Variants in ATP10A observed in about 807,000 individuals in gnomAD.
The protein encoded by ATP10A is ATPase phospholipid transporting 10A (putative).
Under a neutral mutation model 147.8 loss-of-function variants are expected in ATP10A, and 111 were observed. That is an observed-to-expected ratio of 0.75 (90% CI 0.64 to 0.88). The LOEUF is 0.88. ATP10A is among the 40% of genes least tolerant of loss of function. The pLI, the probability that ATP10A is intolerant of heterozygous loss-of-function variation, is 0.00. For synonymous variants in ATP10A, 875 were observed against 841.6 expected (o/e 1.04, Z -0.69); for missense variants, 1,927 against 1,959.0 (o/e 0.98, Z 0.31).
In ATP10A at chr15:25,840,074, C is replaced by A. The variant is rs72689224; in HGVS notation, c.449+22574G>T. On this transcript the variant is annotated intron_variant, in intron 1 of 20. Coordinates refer to ENST00000555815, the MANE Select transcript of ATP10A (RefSeq NM_024490.4). ...CCCCTCCTGCATCCCTAACCCCTGG[C>A]AAACACTAACTTGTCCCTCATCCCC... Among the ~76,000 whole-genome samples the A allele has an allele frequency of 5.4e-3, 825 of 152,312 alleles. 12 individuals are homozygous for A. Among genetic ancestry groups the A allele is most frequent in the Admixed American group, 7.4e-3 (113 of 15,302 alleles).
chr15:25,740,361 G>A (rs1419226308), intron 2 of ATP10A, among the ~76,000 whole-genome samples: 1 of 152,250 alleles, frequency 6.6e-6, no homozygotes. Context: ...GCTGCCAGCA[G>A]GGACCCTGCC....
chr15:25,846,369 C>T (rs368080528), intron 1 of ATP10A, among the ~76,000 whole-genome samples: 3 of 152,164 alleles, frequency 2.0e-5, no homozygotes, highest in South Asian at 2.1e-4. Context: ...AGATAGAACA[C>T]GCTTAAGGTT....
At chr15:25,721,969 C>T in intron 6 of ATP10A, 60 bp from the exon 7 acceptor site, 2 of 1,526,216 alleles carry the variant, frequency 1.3e-6, no homozygotes, top group Non-Finnish European at 1.8e-6. Flanking sequence ...TGGGGAATTA[C>T]TCAAATCTAT....
chr15:25,732,436 T>C (rs1886991165), intron 3 of ATP10A, among the ~76,000 whole-genome samples: 1 of 151,814 alleles, frequency 6.6e-6, no homozygotes, highest in Admixed American at 6.6e-5. Flanking sequence ...AAATAAACCC[T>C]AGACCCACGG....
At chr15:25,676,722 TTAATA>T (rs200900874), downstream of ATP10A, among the ~76,000 whole-genome samples, 1 of 149,562 alleles carries the variant, frequency 6.7e-6, no homozygotes, top group Non-Finnish European at 1.5e-5. Flanking sequence ...TTGTCTGATA[TTAATA>T]TAATTATGTC....
At chr15:25,759,521 G>A (rs941030955) in intron 2 of ATP10A, among the ~76,000 whole-genome samples, 5 of 152,130 alleles carry the variant, frequency 3.3e-5, no homozygotes, top group Non-Finnish European at 7.3e-5. Context: ...ATAGAAAACT[G>A]TGGGCCAGGT....
chr15:25,789,305 A>C (rs1890304960), intron 1 of ATP10A, among the ~76,000 whole-genome samples: 1 of 152,164 alleles, frequency 6.6e-6, no homozygotes, highest in Admixed American at 6.5e-5. Context: ...AATGAACCTA[A>C]CATGCAGACC....
intron 2 of ATP10A, among the ~76,000 whole-genome samples, chr15:25,747,113 C>T (rs1436815324): frequency 6.6e-6 from 1 of 151,818 alleles, no homozygotes. Flanking sequence ...ATGATGAAAC[C>T]CCATCTCTAC....
chr15:25,685,882 A>T (rs1173538539), intron 16 of ATP10A, among the ~76,000 whole-genome samples: 1 of 151,772 alleles, frequency 6.6e-6, no homozygotes, highest in Non-Finnish European at 1.5e-5. Context: ...ACCCACAGCT[A>T]ACAAGTGATA....
chr15:25,844,290 C>T (rs746533222), intron 1 of ATP10A, among the ~76,000 whole-genome samples: 1 of 152,120 alleles, frequency 6.6e-6, no homozygotes, highest in Non-Finnish European at 1.5e-5. Flanking sequence ...CTCCACGGCA[C>T]GTCTTTGCCA....
intron 1 of ATP10A, among the ~76,000 whole-genome samples, chr15:25,829,602 T>C (rs1355002608): frequency 6.6e-6 from 1 of 151,978 alleles, no homozygotes; most frequent in Non-Finnish European, 1.5e-5. Context: ...GGTCAGACTG[T>C]AGTAAGATAA....
At chr15:25,725,878 A>C in intron 5 of ATP10A, 73 bp downstream of exon 5, 2 of 1,487,738 alleles carry the variant, frequency 1.3e-6, no homozygotes, top group South Asian at 2.7e-5. Flanking sequence ...TCGGCCTCCC[A>C]AAGTGCTAGG....
At chr15:25,786,033 C>A (rs1890143021) in intron 1 of ATP10A, among the ~76,000 whole-genome samples, 1 of 152,230 alleles carries the variant, frequency 6.6e-6, no homozygotes, top group Admixed American at 6.5e-5. Context: ...TGACAGCAGC[C>A]CCCACTGTGG....
chr15:25,706,307 G>A (rs1336328813), intron 12 of ATP10A, among the ~76,000 whole-genome samples: 1 of 152,182 alleles, frequency 6.6e-6, no homozygotes, highest in African/African-American at 2.4e-5. Flanking sequence ...GAGGCCAGCT[G>A]GGTGGAAACG....
At chr15:25,825,923 G>T (rs1892093454) in intron 1 of ATP10A, among the ~76,000 whole-genome samples, 1 of 151,966 alleles carries the variant, frequency 6.6e-6, no homozygotes, top group African/African-American at 2.4e-5. Flanking sequence ...AGAAAACCAT[G>T]TCTACAGAAA....
chr15:25,778,639 A>G (rs761178816), intron 2 of ATP10A, among the ~76,000 whole-genome samples: 2 of 152,312 alleles, frequency 1.3e-5, no homozygotes, highest in South Asian at 4.1e-4. Context: ...TTTTGACCAG[A>G]TCATGGCTCA....
intron 15 of ATP10A, among the ~76,000 whole-genome samples, chr15:25,688,496 G>C (rs889763088): frequency 6.6e-6 from 1 of 152,204 alleles, no homozygotes; most frequent in Non-Finnish European, 1.5e-5. Flanking sequence ...TGCTTACGCA[G>C]TGAAGCCAAC....
chr15:25,769,811 G>T (rs748400923), intron 2 of ATP10A, among the ~76,000 whole-genome samples: 1 of 152,154 alleles, frequency 6.6e-6, no homozygotes, highest in Admixed American at 6.5e-5. Flanking sequence ...AGATTCATGC[G>T]TTCAAATCCT....
chr15:25,847,444 C>T (rs1168723465), intron 1 of ATP10A, among the ~76,000 whole-genome samples: 1 of 151,988 alleles, frequency 6.6e-6, no homozygotes, highest in Admixed American at 6.6e-5. Flanking sequence ...GTATATGGTG[C>T]TAGAGAAATA....
Sources: gnomAD v4.1 joint callset for allele counts (sites outside exome capture counted in the v4.1 genomes callset) on GRCh38, gnomAD v4.1.1 for gene constraint, MANE v1.5 for transcripts, NCBI Gene and HGNC (gene_info 2026-07-23, HGNC 2026-07-21) for gene names.